C6: variants seen among roughly 807,000 people sequenced by gnomAD.
C6 encodes complement component C6.
Under a neutral mutation model 112.9 loss-of-function variants are expected in C6, and 101 were observed. That is an observed-to-expected ratio of 0.89 (90% CI 0.76 to 1.06). C6 has a LOEUF of 1.06. Among genes scored for constraint, C6 ranks in the 50% least tolerant of loss-of-function variants. The pLI is 0.00. For missense variants in C6, 1,202 were observed against 1,104.6 expected, an observed-to-expected ratio of 1.09 and a Z score of -1.25; for synonymous variants, 431 against 384.1, an observed-to-expected ratio of 1.12 and a Z score of -1.43.
intron 8 of C6, 69 bp downstream of exon 8, chr5:41,176,406 T>C: frequency 1.4e-6 from 2 of 1,476,842 alleles, no homozygotes; most frequent in Non-Finnish European, 1.9e-6. Flanking sequence ...ATTAAAATGA[T>C]AGAGTAAGAG....
chr5:41,258,020 C>T (rs942692523), intron 1 of C6, among the ~76,000 whole-genome samples: 1 of 152,048 alleles, frequency 6.6e-6, no homozygotes, highest in Non-Finnish European at 1.5e-5. Flanking sequence ...TCTACCCAAT[C>T]ATAAAACTTT....
chr5:41,208,388 C>T (rs1056708686), intron 1 of C6, among the ~76,000 whole-genome samples: 2 of 151,830 alleles, frequency 1.3e-5, no homozygotes, highest in African/African-American at 4.8e-5. Flanking sequence ...AACTGAAGGA[C>T]ATAGAAACAC....
intron 6 of C6, among the ~76,000 whole-genome samples, chr5:41,185,060 A>G (rs1406329587): frequency 2.0e-5 from 3 of 152,172 alleles, no homozygotes; most frequent in Non-Finnish European, 4.4e-5. Context: ...GTTGTTTTGG[A>G]ACTGGAAAGC....
chr5:41,239,886 C>T (rs1239365063), intron 1 of C6, among the ~76,000 whole-genome samples: 1 of 152,074 alleles, frequency 6.6e-6, no homozygotes, highest in Non-Finnish European at 1.5e-5. Context: ...GATATAGTGT[C>T]CTTGTCTGGC....
intron 1 of C6, among the ~76,000 whole-genome samples, chr5:41,235,345 C>A (rs948980500): frequency 3.5e-5 from 5 of 144,176 alleles, no homozygotes; most frequent in African/African-American, 1.3e-4. Context: ...TTTGTTCTTG[C>A]GATAGTTTAC....
intron 5 of C6, among the ~76,000 whole-genome samples, chr5:41,193,857 T>C (rs1267136632): frequency 6.7e-6 from 1 of 149,304 alleles, no homozygotes; most frequent in Admixed American, 6.8e-5. Context: ...GAGGCAGAGA[T>C]TCTAAGGCCA....
chr5:41,228,174 C>T (rs983833182), intron 1 of C6, among the ~76,000 whole-genome samples: 7 of 151,930 alleles, frequency 4.6e-5, no homozygotes, highest in Non-Finnish European at 8.8e-5. Flanking sequence ...CAGTATACAG[C>T]TCTTTTACCT....
chr5:41,229,896 G>T (rs1739778801), intron 1 of C6, among the ~76,000 whole-genome samples: 2 of 152,240 alleles, frequency 1.3e-5, no homozygotes, highest in African/African-American at 4.8e-5. Flanking sequence ...CAAACAGAGG[G>T]ACCAGCTGGA....
chr5:41,224,318 A>T (rs1349868611), intron 1 of C6, among the ~76,000 whole-genome samples: 1 of 152,134 alleles, frequency 6.6e-6, no homozygotes, highest in South Asian at 2.1e-4. Context: ...ATTCACAGAG[A>T]TGTGCAGCCA....
intron 1 of C6, among the ~76,000 whole-genome samples, chr5:41,231,518 C>A (rs762631364): frequency 6.6e-6 from 1 of 152,074 alleles, no homozygotes; most frequent in Admixed American, 6.6e-5. Context: ...CTTCCATTAT[C>A]GTGTAATCAT....
At chr5:41,231,938 T>C (rs1739929441) in intron 1 of C6, among the ~76,000 whole-genome samples, 1 of 152,076 alleles carries the variant, frequency 6.6e-6, no homozygotes, top group Non-Finnish European at 1.5e-5. Flanking sequence ...AATACTGCTT[T>C]ACTCAGTGAT....
chr5:41,244,860 G>T (rs559524138), intron 1 of C6, among the ~76,000 whole-genome samples: 130 of 152,222 alleles, frequency 8.5e-4, no homozygotes, highest in African/African-American at 2.8e-3. Flanking sequence ...AATGAGTTAT[G>T]AATTAGCAAT....
chr5:41,254,175 G>T, intron 1 of C6, among the ~76,000 whole-genome samples: 1 of 152,212 alleles, frequency 6.6e-6, no homozygotes, highest in East Asian at 1.9e-4. Flanking sequence ...GCCGAGGTGG[G>T]TGGATCACTA....
exon 1 of C6, chr5:41,261,333 A>G (rs1277970482): frequency 5.6e-6 from 2 of 358,924 alleles, no homozygotes; most frequent in Admixed American, 1.3e-4. Context: ...AGCTAGAAAC[A>G]TCTCTCTTTA....
chr5:41,182,763 C>G (rs892740979), intron 6 of C6, among the ~76,000 whole-genome samples: 1 of 152,222 alleles, frequency 6.6e-6, no homozygotes, highest in Non-Finnish European at 1.5e-5. Context: ...GACCTTGACT[C>G]TAGTCATTCC....
At chr5:41,204,702 C>A (rs1751296722) in intron 1 of C6, among the ~76,000 whole-genome samples, 2 of 133,762 alleles carry the variant, frequency 1.5e-5, no homozygotes, top group African/African-American at 2.9e-5. Flanking sequence ...TGGAGTCTCA[C>A]TCTGTCACCC....
upstream of C6, among the ~76,000 whole-genome samples, chr5:41,213,946 T>C (rs1054063979): frequency 2.0e-5 from 3 of 152,172 alleles, no homozygotes; most frequent in African/African-American, 7.2e-5. Context: ...GTAAAAAGTG[T>C]TTCTATATGC....
At chr5:41,168,682 T>C (rs768720945) in intron 9 of C6, among the ~76,000 whole-genome samples, 6 of 152,180 alleles carry the variant, frequency 3.9e-5, no homozygotes, top group Non-Finnish European at 8.8e-5. Flanking sequence ...ATTGACACAG[T>C]TAAAGTCCTA....
chr5:41,213,189 C>T (rs1252488427), intron 1 of C6, among the ~76,000 whole-genome samples, 187 bp downstream of exon 1: 1 of 152,112 alleles, frequency 6.6e-6, no homozygotes, highest in Non-Finnish European at 1.5e-5. Context: ...TCTGGAATGA[C>T]ATTTGTTTAA....
Sources: gnomAD v4.1 joint callset for allele counts (sites outside exome capture counted in the v4.1 genomes callset) on GRCh38, gnomAD v4.1.1 for gene constraint, MANE v1.5 for transcripts, NCBI Gene and HGNC (gene_info 2026-07-23, HGNC 2026-07-21) for gene names.